Variants in PRRX1 observed in about 807,000 individuals in gnomAD.
The protein encoded by PRRX1 is paired related homeobox 1.
Under a neutral mutation model 24.0 loss-of-function variants are expected in PRRX1, and 8 were observed. The observed-to-expected ratio is 0.33, with a 90% CI of 0.20 to 0.60. PRRX1 has a LOEUF of 0.60. Among genes scored for constraint, PRRX1 ranks in the 20% least tolerant of loss-of-function variants. The pLI is 0.82. For missense variants in PRRX1, 281 were observed against 322.4 expected, an observed-to-expected ratio of 0.87 and a Z score of 0.98; for synonymous variants, 160 against 131.7, an observed-to-expected ratio of 1.22 and a Z score of -1.47.
upstream of PRRX1, chr1:170,663,112 C>T (rs1032319086): frequency 2.0e-5 from 3 of 151,564 alleles, no homozygotes; most frequent in African/African-American, 7.3e-5. Flanking sequence ...TGTTCCCTCC[C>T]TCTCCCTTTC....
At chr1:170,714,152 T>A (rs936318647) in intron 1 of PRRX1, among the ~76,000 whole-genome samples, 1 of 152,244 alleles carries the variant, frequency 6.6e-6, no homozygotes, top group African/African-American at 2.4e-5. Flanking sequence ...TAATGCTAAG[T>A]GTAGCCAAAG....
At position 170,685,544 on chromosome 1, in the gene PRRX1, T is replaced by C. The variant is rs561632623; in HGVS notation, c.241+21085T>C. Among the ~76,000 whole-genome samples the C allele has an allele frequency of 4.6e-5, 7 of 152,300 alleles. No individual in the cohort carries two copies. In the South Asian group the frequency reaches 1.5e-3, roughly 32 times the overall value. ...TTTGATAGATGGAGACTAAAAGATT[T>C]TGGAATTTGGAGTCAGAAAATCTAG... On this transcript the variant is annotated intron_variant, in intron 1 of 3. Coordinates refer to ENST00000239461, the MANE Select transcript of PRRX1 (RefSeq NM_022716.4).
intron 3 of PRRX1, among the ~76,000 whole-genome samples, chr1:170,732,847 C>A (rs1380330315): frequency 1.3e-5 from 2 of 152,156 alleles, no homozygotes; most frequent in Non-Finnish European, 2.9e-5. Flanking sequence ...TCATTAAAAA[C>A]AACTACTTGT....
At chr1:170,733,332 C>T (rs1422407633) in intron 3 of PRRX1, among the ~76,000 whole-genome samples, 3 of 152,104 alleles carry the variant, frequency 2.0e-5, no homozygotes, top group Admixed American at 6.6e-5. Flanking sequence ...TCTAATCTCC[C>T]TTTTTGGCTA....
upstream of PRRX1, chr1:170,663,144 A>G (rs988105107): frequency 6.6e-6 from 1 of 150,428 alleles, no homozygotes; most frequent in Admixed American, 6.6e-5. Context: ...GATGTTGGCA[A>G]AGGGGGTTTT....
chr1:170,707,407 G>C (rs140489563), intron 1 of PRRX1, among the ~76,000 whole-genome samples: 1 of 151,566 alleles, frequency 6.6e-6, no homozygotes, highest in East Asian at 1.9e-4. Context: ...TTGTTGGCCA[G>C]ATAAAAAAAA....
At chr1:170,695,549 C>G (rs1472628878) in intron 1 of PRRX1, among the ~76,000 whole-genome samples, 1 of 152,174 alleles carries the variant, frequency 6.6e-6, no homozygotes, top group African/African-American at 2.4e-5. Flanking sequence ...TCCTCAGTCA[C>G]AGTTGAATAG....
intron 3 of PRRX1, chr1:170,730,428 G>C: frequency 8.0e-7 from 1 of 1,248,160 alleles, no homozygotes; most frequent in South Asian, 1.3e-5. Flanking sequence ...GAAAGTGGGG[G>C]TTGCAGTTCT....
chr1:170,731,460 T>C (rs1655434503), intron 3 of PRRX1, among the ~76,000 whole-genome samples: 2 of 152,026 alleles, frequency 1.3e-5, no homozygotes, highest in Non-Finnish European at 2.9e-5. Context: ...GAAAATAGAG[T>C]CAGGTATTAT....
intron 1 of PRRX1, among the ~76,000 whole-genome samples, chr1:170,717,913 C>A (rs146561838): frequency 3.9e-4 from 59 of 152,240 alleles, no homozygotes; most frequent in African/African-American, 1.3e-3. Flanking sequence ...ATTGGTAGAT[C>A]TCAAAAATTA....
chr1:170,674,342 T>A (rs905092936), intron 1 of PRRX1, among the ~76,000 whole-genome samples: 3 of 152,256 alleles, frequency 2.0e-5, no homozygotes, highest in Admixed American at 2.0e-4. Context: ...TTTCATGTGC[T>A]CTGGTCTCAT....
intron 1 of PRRX1, among the ~76,000 whole-genome samples, chr1:170,708,250 C>T (rs1654628876): frequency 6.6e-6 from 1 of 152,090 alleles, no homozygotes; most frequent in African/African-American, 2.4e-5. Flanking sequence ...TAGGGCTGTT[C>T]AACAACAGGG....
At chr1:170,685,263 C>T (rs1376752052) in intron 1 of PRRX1, among the ~76,000 whole-genome samples, 1 of 152,230 alleles carries the variant, frequency 6.6e-6, no homozygotes, top group Admixed American at 6.5e-5. Flanking sequence ...TGACTGGACC[C>T]ATTATCCTTG....
chr1:170,682,267 G>A (rs1653571128), intron 1 of PRRX1, among the ~76,000 whole-genome samples: 2 of 150,294 alleles, frequency 1.3e-5, no homozygotes, highest in South Asian at 4.2e-4. Context: ...TGACCTCTAA[G>A]GTCTGAATTC....
At chr1:170,715,366 A>C (rs1654874413) in intron 1 of PRRX1, among the ~76,000 whole-genome samples, 1 of 152,200 alleles carries the variant, frequency 6.6e-6, no homozygotes, top group South Asian at 2.1e-4. Context: ...AAGGAATCCT[A>C]TCTCTTTTCT....
intron 1 of PRRX1, among the ~76,000 whole-genome samples, chr1:170,672,908 C>G (rs936602360): frequency 3.3e-4 from 50 of 152,314 alleles, no homozygotes; most frequent in East Asian, 9.6e-4. Flanking sequence ...TTGGTACTCT[C>G]TCTGCTTCAG....
At chr1:170,697,149 C>T (rs879143589) in intron 1 of PRRX1, among the ~76,000 whole-genome samples, 1 of 152,098 alleles carries the variant, frequency 6.6e-6, no homozygotes, top group Non-Finnish European at 1.5e-5. Context: ...CATGCACACG[C>T]TCTCCAGGCA....
intron 2 of PRRX1, among the ~76,000 whole-genome samples, chr1:170,722,048 C>CT (rs1241623203): frequency 1.3e-5 from 2 of 151,220 alleles, no homozygotes; most frequent in East Asian, 1.9e-4. Context: ...AGGGAAATAC[C>CT]TTTTTTATAT....
At chr1:170,694,258 A>G (rs776889301) in intron 1 of PRRX1, among the ~76,000 whole-genome samples, 4 of 152,108 alleles carry the variant, frequency 2.6e-5, no homozygotes, top group Non-Finnish European at 5.9e-5. Context: ...ACTTACAGAA[A>G]CTTTGAATTC....
Sources: allele counts gnomAD v4.1 joint callset (sites outside exome capture counted in the v4.1 genomes callset), GRCh38; gene constraint gnomAD v4.1.1; transcripts MANE v1.5; gene names NCBI Gene and HGNC (gene_info 2026-07-23, HGNC 2026-07-21).